Variants in GRID2 observed in about 807,000 individuals in gnomAD.
GRID2 encodes the protein glutamate ionotropic receptor delta type subunit 2.
A neutral mutation model predicts 114.8 loss-of-function variants in GRID2; 33 were observed. That is an observed-to-expected ratio of 0.29 (90% confidence interval 0.22 to 0.38). GRID2 has a LOEUF of 0.38. Among genes scored for constraint, GRID2 ranks in the 10% least tolerant of loss-of-function variants. GRID2 has a pLI of 1.00. For missense variants in GRID2, 1,184 were observed against 1,257.7 expected (o/e 0.94, Z 0.89); for synonymous variants, 505 against 449.9 (o/e 1.12, Z -1.55).
At chr4:92,572,697 T>G (rs1560465234) in intron 1 of GRID2, among the ~76,000 whole-genome samples, 1 of 152,086 alleles carries the variant, frequency 6.6e-6, no homozygotes, top group Non-Finnish European at 1.5e-5. Context: ...AGATAAACTT[T>G]TTGATGTGCT....
In GRID2 at chr4:93,015,983, G is replaced by T. The variant is rs182694608; in HGVS notation, c.245-69012G>T. Among the ~76,000 whole-genome samples, 7 of 152,050 alleles carry T rather than the reference G, an allele frequency of 4.6e-5. No individual in the cohort carries two copies. The East Asian group carries it at 1.4e-3, about 29-fold the overall frequency. On this transcript the variant is annotated intron_variant, in intron 2 of 15. Transcript: ENST00000282020. The stretch of plus-strand genomic sequence containing the variant: ...AAGTTGGATGAATTATCACAATAAA[G>T]GGGAAGAAGCAGATAGGTAGTATCT...
At chr4:93,206,087 T>A (rs1172189267) in intron 4 of GRID2, among the ~76,000 whole-genome samples, 1 of 151,668 alleles carries the variant, frequency 6.6e-6, no homozygotes, top group African/African-American at 2.4e-5. Flanking sequence ...AAAATAAAAT[T>A]AAAAATGATA....
intron 2 of GRID2, among the ~76,000 whole-genome samples, chr4:92,867,938 G>A (rs1362715694): frequency 3.3e-5 from 5 of 152,022 alleles, no homozygotes; most frequent in Non-Finnish European, 5.9e-5. Flanking sequence ...AAGCTTCCTG[G>A]GTCCCATTTT....
rs1336222146 is a variant in GRID2, at chr4:93,697,867, G to GTATATATATATATATATATA, written c.2361-71342_2361-71341insATATATATATATATATATAT. 1.7e-3 allele frequency among the ~76,000 whole-genome samples: 142 copies of GTATATATATATATATATATA among 83,856 alleles called. 3 individuals carry two copies. The highest frequency in any genetic ancestry group is 4.5e-3 in the African/African-American group (133 of 29,410). The allele number at this position is 83,856 out of a possible 152,430, so 55.0% of individuals were successfully genotyped here. On this transcript the variant is annotated intron_variant, in intron 14 of 15. Coordinates refer to ENST00000282020, the MANE Select transcript of GRID2 (RefSeq NM_001510.4). ...GCTCAATTTAGTCATTCCACAATGT[G>GTATATATATATATATATATA]TGTATATATATATTTCAAAACAATA...
intron 1 of GRID2, among the ~76,000 whole-genome samples, chr4:92,385,924 A>C: frequency 6.8e-6 from 1 of 147,030 alleles, no homozygotes; most frequent in Admixed American, 6.8e-5. Flanking sequence ...ATATATATAT[A>C]TGAAATACAC....
At chr4:93,691,088 G>T (rs1047417576) in intron 14 of GRID2, among the ~76,000 whole-genome samples, 1 of 151,256 alleles carries the variant, frequency 6.6e-6, no homozygotes, top group African/African-American at 2.4e-5. Context: ...CTGTGCAATA[G>T]CTTTTAATAT....
chr4:92,531,099 AAAAT>A (rs780359537), intron 1 of GRID2, among the ~76,000 whole-genome samples: 1 of 152,076 alleles, frequency 6.6e-6, no homozygotes, highest in Non-Finnish European at 1.5e-5. Context: ...AAATCAAACA[AAAAT>A]AAAATAAAAA....
At chr4:93,327,923 A>ACC (rs1279022477) in intron 8 of GRID2, among the ~76,000 whole-genome samples, 4 of 152,118 alleles carry the variant, frequency 2.6e-5, no homozygotes, top group Non-Finnish European at 5.9e-5. Context: ...AGTCTCAACC[A>ACC]CCATCATCTC....
chr4:93,161,586 C>T (rs979807158), intron 4 of GRID2, among the ~76,000 whole-genome samples: 1 of 151,846 alleles, frequency 6.6e-6, no homozygotes, highest in South Asian at 2.1e-4. Context: ...AATTATCGTT[C>T]ATGTGGTCTT....
intron 2 of GRID2, among the ~76,000 whole-genome samples, chr4:92,857,344 T>G: frequency 6.6e-6 from 1 of 151,776 alleles, no homozygotes; most frequent in Admixed American, 6.6e-5. Context: ...CTTGCACCAG[T>G]TAGCAAAGTT....
At chr4:92,346,882 T>G (rs1001093824) in intron 1 of GRID2, among the ~76,000 whole-genome samples, 1 of 152,214 alleles carries the variant, frequency 6.6e-6, no homozygotes, top group Non-Finnish European at 1.5e-5. Flanking sequence ...TTATTTTAGT[T>G]GCAAGTGATA....
chr4:93,146,325 G>C (rs1054530967), intron 4 of GRID2, among the ~76,000 whole-genome samples: 3 of 151,932 alleles, frequency 2.0e-5, no homozygotes, highest in African/African-American at 7.3e-5. Context: ...TTAAATCAAG[G>C]GATTTGAAAA....
intron 2 of GRID2, among the ~76,000 whole-genome samples, chr4:92,810,563 A>G (rs935086700): frequency 3.9e-5 from 6 of 152,094 alleles, no homozygotes; most frequent in Non-Finnish European, 7.4e-5. Context: ...GGTAGCCCAT[A>G]AATTATAAAA....
chr4:92,684,352 A>G (rs982495478), intron 2 of GRID2, among the ~76,000 whole-genome samples: 7 of 152,024 alleles, frequency 4.6e-5, no homozygotes, highest in Non-Finnish European at 1.0e-4. Flanking sequence ...TTAGTTAAAC[A>G]TAATTTTACT....
intron 5 of GRID2, among the ~76,000 whole-genome samples, chr4:93,212,833 C>T (rs1345487459): frequency 1.3e-5 from 2 of 151,202 alleles, no homozygotes; most frequent in South Asian, 2.1e-4. Flanking sequence ...AGTACAATGG[C>T]GCGATCTTGG....
chr4:93,190,639 A>G (rs1016575877), intron 4 of GRID2, among the ~76,000 whole-genome samples: 5 of 152,156 alleles, frequency 3.3e-5, no homozygotes, highest in Non-Finnish European at 5.9e-5. Context: ...AAAGCTAAAG[A>G]TAAGGATTTT....
intron 2 of GRID2, among the ~76,000 whole-genome samples, chr4:92,607,879 G>A (rs981060632): frequency 2.0e-5 from 3 of 151,830 alleles, no homozygotes; most frequent in Admixed American, 6.6e-5. Context: ...AAATGTGTGC[G>A]TAAACAATAG....
chr4:92,873,179 G>T (rs1337768640), intron 2 of GRID2, among the ~76,000 whole-genome samples: 1 of 151,902 alleles, frequency 6.6e-6, no homozygotes, highest in Admixed American at 6.6e-5. Flanking sequence ...ATTTATTATT[G>T]TACTTATAAT....
chr4:92,941,373 T>A (rs1341484444), intron 2 of GRID2, among the ~76,000 whole-genome samples: 5 of 152,178 alleles, frequency 3.3e-5, no homozygotes, highest in African/African-American at 1.2e-4. Flanking sequence ...TTTATAGTAT[T>A]CTCTGATGGT....
Sources: allele counts gnomAD v4.1 joint callset (sites outside exome capture counted in the v4.1 genomes callset), GRCh38; gene constraint gnomAD v4.1.1; transcripts MANE v1.5; gene names NCBI Gene and HGNC (gene_info 2026-07-23, HGNC 2026-07-21).